Variants in KIAA0825 observed in about 807,000 individuals in gnomAD.
KIAA0825 encodes uncharacterized protein KIAA0825.
In KIAA0825, 119 loss-of-function variants were observed where a neutral mutation model predicts 147.6. The ratio of observed to expected loss-of-function variants is 0.81; its 90% CI spans 0.69 to 0.94. The LOEUF (loss-of-function observed/expected upper bound fraction) is 0.94. Ranked by LOEUF, KIAA0825 falls within the 40% of genes least tolerant of loss-of-function variation. The pLI is 0.00. For missense variants in KIAA0825, 1,381 were observed against 1,472.7 expected, an observed-to-expected ratio of 0.94 and a Z score of 1.02; for synonymous variants, 470 against 518.1, an observed-to-expected ratio of 0.91 and a Z score of 1.26.
At chr5:94,563,834 G>C (rs1584901221) in intron 2 of KIAA0825, among the ~76,000 whole-genome samples, 2 of 152,024 alleles carry the variant, frequency 1.3e-5, no homozygotes, top group Admixed American at 1.3e-4. Flanking sequence ...ATAGGCGCCT[G>C]CCACCATGCC....
rs762336835 is a variant in KIAA0825, at chr5:94,473,512, A to G, written c.1235T>C (p.Leu412Ser). The G allele has an allele frequency of 3.2e-6, 5 of 1,548,156 alleles. No homozygotes were observed. The South Asian group carries it at 6.0e-5, about 18-fold the overall frequency. Residue 412 changes from leucine to serine, a missense_variant, in exon 8 of 21, where the codon TTA becomes TCA. By Grantham distance (145) the Leu-to-Ser change is moderately radical. Coordinates refer to ENST00000682413, the MANE Select transcript of KIAA0825 (RefSeq NM_001145678.3). ...TGCACTTCTCCAGCCAAAATCTAGT[A>G]AGGTAGCCTGAAATATCAATGTATA... Reference protein sequence around the residue: ...EQSLPGKEATLLDFGWRSAFK... With the variant: ...EQSLPGKEATSLDFGWRSAFK...
In KIAA0825 at chr5:94,542,006, ATTTC is replaced by A. The variant is rs146862435; in HGVS notation, c.-1-4883_-1-4880del. ...TATTGTATGCTACAAAGATAGCTGA[ATTTC>A]TTTGTCAATTATGTTTTTAACTGTG... On this transcript the variant is annotated intron_variant, in intron 2 of 20. Coordinates refer to ENST00000682413, the MANE Select transcript of KIAA0825 (RefSeq NM_001145678.3). Among the ~76,000 whole-genome samples the A allele has an allele frequency of 5.8e-4, 88 of 152,336 alleles. 3 individuals are homozygous for A. The East Asian group carries it at 0.015, about 25-fold the overall frequency.
At chr5:94,533,249 A>G (rs1386960083) in intron 3 of KIAA0825, among the ~76,000 whole-genome samples, 2 of 146,880 alleles carry the variant, frequency 1.4e-5, no homozygotes, top group African/African-American at 5.0e-5. Flanking sequence ...AAGTGCTGGG[A>G]TTACAGGCAT....
intron 18 of KIAA0825, among the ~76,000 whole-genome samples, chr5:94,388,740 C>A (rs1749516237): frequency 6.6e-6 from 1 of 152,188 alleles, no homozygotes; most frequent in Non-Finnish European, 1.5e-5. Context: ...TCATCACTAA[C>A]CCTTCTTAAC....
chr5:94,488,590 T>C (rs1763341481), intron 5 of KIAA0825, among the ~76,000 whole-genome samples: 1 of 152,136 alleles, frequency 6.6e-6, no homozygotes, highest in Non-Finnish European at 1.5e-5. Flanking sequence ...TTTTCTAATA[T>C]GCAATATAAA....
chr5:94,219,855 T>C (rs1270580764), intron 20 of KIAA0825, among the ~76,000 whole-genome samples: 1 of 152,146 alleles, frequency 6.6e-6, no homozygotes, highest in Non-Finnish European at 1.5e-5. Context: ...GAGTGGTGAA[T>C]GAATGTGATG....
intron 20 of KIAA0825, among the ~76,000 whole-genome samples, chr5:94,199,183 T>C (rs1480882994): frequency 1.3e-5 from 2 of 152,222 alleles, no homozygotes; most frequent in Non-Finnish European, 2.9e-5. Context: ...GATGTTCCTT[T>C]AATCTTTTTG....
intron 20 of KIAA0825, among the ~76,000 whole-genome samples, chr5:94,364,632 T>G (rs963250103): frequency 1.3e-5 from 2 of 151,992 alleles, no homozygotes; most frequent in Non-Finnish European, 2.9e-5. Flanking sequence ...TCCACCTGCC[T>G]TGGCCTCCCA....
intron 20 of KIAA0825, among the ~76,000 whole-genome samples, chr5:94,302,841 G>T (rs1778493255): frequency 6.6e-6 from 1 of 152,040 alleles, no homozygotes; most frequent in South Asian, 2.1e-4. Flanking sequence ...ATGAGAAAAT[G>T]ATACTTTCAA....
intron 12 of KIAA0825, among the ~76,000 whole-genome samples, chr5:94,456,203 T>G (rs1310509828): frequency 1.3e-5 from 2 of 152,152 alleles, no homozygotes; most frequent in East Asian, 3.9e-4. Flanking sequence ...CTACTTTCCC[T>G]CACACTTCTT....
chr5:94,327,966 A>T (rs1780870342), intron 20 of KIAA0825, among the ~76,000 whole-genome samples: 1 of 152,200 alleles, frequency 6.6e-6, no homozygotes, highest in Non-Finnish European at 1.5e-5. Context: ...AGACTGCACC[A>T]CTGCACTCCA....
At chr5:94,593,001 T>G in intron 1 of KIAA0825, 1 of 619,174 alleles carries the variant, frequency 1.6e-6, no homozygotes, top group Admixed American at 2.3e-5. Context: ...TTTGGAAGCT[T>G]CAAAAGCAGA....
At chr5:94,584,050 C>T (rs910924786) in intron 1 of KIAA0825, among the ~76,000 whole-genome samples, 1 of 152,140 alleles carries the variant, frequency 6.6e-6, no homozygotes, top group African/African-American at 2.4e-5. Context: ...ACATCAAAGA[C>T]CAAAGGTTGA....
At chr5:94,381,677 T>G (rs1034932433) in intron 20 of KIAA0825, among the ~76,000 whole-genome samples, 20 of 152,192 alleles carry the variant, frequency 1.3e-4, no homozygotes, top group Non-Finnish European at 2.5e-4. Context: ...TTCCAAATAC[T>G]TTAGCACTCT....
At chr5:94,314,621 G>C (rs935687929) in intron 20 of KIAA0825, among the ~76,000 whole-genome samples, 3 of 151,534 alleles carry the variant, frequency 2.0e-5, no homozygotes, top group Non-Finnish European at 4.4e-5. Context: ...AAAGAAAAAA[G>C]TGTCTTTCTC....
intron 2 of KIAA0825, among the ~76,000 whole-genome samples, chr5:94,566,991 T>C (rs1416785622): frequency 6.6e-6 from 1 of 152,244 alleles, no homozygotes; most frequent in Non-Finnish European, 1.5e-5. Flanking sequence ...GTTTGCTAAA[T>C]TTAAGTGCTG....
At chr5:94,594,453 A>G in intron 1 of KIAA0825, 1 of 738,932 alleles carries the variant, frequency 1.4e-6, no homozygotes, top group East Asian at 2.6e-5. Flanking sequence ...TTTTGAGTGT[A>G]TCTTGGAAGA....
chr5:94,546,740 GC>G (rs955496233), intron 2 of KIAA0825, among the ~76,000 whole-genome samples: 4 of 138,836 alleles, frequency 2.9e-5, no homozygotes, highest in African/African-American at 8.2e-5. Flanking sequence ...GCACAAACAA[GC>G]CCAGCCTGTG....
intron 20 of KIAA0825, among the ~76,000 whole-genome samples, chr5:94,180,699 A>G (rs546079705): frequency 6.2e-4 from 95 of 152,076 alleles, no homozygotes; most frequent in Non-Finnish European, 1.1e-3. Context: ...TTTTTAGGTA[A>G]CCTGCTTTAT....
Sources: gnomAD v4.1 joint callset for allele counts (sites outside exome capture counted in the v4.1 genomes callset) on GRCh38, gnomAD v4.1.1 for gene constraint, MANE v1.5 for transcripts, NCBI Gene and HGNC (gene_info 2026-07-23, HGNC 2026-07-21) for gene names.